The following CSMD1 variants were observed in gnomAD, a reference collection of about 807,000 sequenced individuals.
The protein encoded by CSMD1 is CUB and sushi domain-containing protein 1.
CSMD1 carries 213 observed loss-of-function variants against 417.5 expected under a neutral mutation model. The observed-to-expected ratio is 0.51, with a 90% CI of 0.46 to 0.57. The LOEUF is 0.57. CSMD1 is among the 20% of genes least tolerant of loss of function. The probability of loss-of-function intolerance (pLI) is 0.00; values close to 1 mark genes in which losing one functional copy is unlikely to be tolerated. For missense variants in CSMD1, 6,923 were observed against 4,529.7 expected (o/e 1.53, Z -15.17); for synonymous variants, 2,862 against 1,736.8 (o/e 1.65, Z -16.11).
intron 41 of CSMD1, among the ~76,000 whole-genome samples, chr8:3,136,215 CTA>C (rs1435115839): frequency 6.6e-6 from 1 of 150,588 alleles, no homozygotes; most frequent in Non-Finnish European, 1.5e-5. Flanking sequence ...ATACACGTGT[CTA>C]TGTGTTGCAG....
chr8:4,464,324 G>A (rs1291396363), intron 2 of CSMD1, among the ~76,000 whole-genome samples: 1 of 152,152 alleles, frequency 6.6e-6, no homozygotes, highest in Admixed American at 6.5e-5. Flanking sequence ...TCAACTTACA[G>A]TGCGGTTATG....
chr8:4,913,189 T>C (rs1370513291), intron 1 of CSMD1, among the ~76,000 whole-genome samples: 1 of 152,176 alleles, frequency 6.6e-6, no homozygotes, highest in Non-Finnish European at 1.5e-5. Flanking sequence ...AAGATTAGGT[T>C]GGTGCAAACC....
At position 3,920,788 on chromosome 8, in the gene CSMD1, A is replaced by G. The variant is rs569799195; in HGVS notation, c.818+77115T>C. Among the ~76,000 whole-genome samples, 9 of 152,202 alleles carry G rather than the reference A, an allele frequency of 5.9e-5. No homozygotes were observed. The East Asian group carries it at 1.4e-3, about 23-fold the overall frequency. ...GTATATCCAATTTATTGATTTGCGT[A>G]TGTTAAAACAACCTTGCATCCCAGC... is the stretch of plus-strand genomic sequence containing the variant. On this transcript the variant is annotated intron_variant, in intron 5 of 69. Transcript: ENST00000635120.
rs187639758 is a variant in CSMD1 at position 3,264,037 on chromosome 8, T to C, written c.4153+20107A>G. Reference sequence around the variant, plus strand: ...TTTAAAGAGACTTCAGTTTTTTTCATAGTAACAATGAAACGAAATTTGAAA... The same window carrying C: ...TTTAAAGAGACTTCAGTTTTTTTCACAGTAACAATGAAACGAAATTTGAAA... On this transcript the variant is annotated intron_variant, in intron 26 of 69. Transcript: ENST00000635120. 8.9e-3 allele frequency among the ~76,000 whole-genome samples: 1,356 copies of C among 152,276 alleles called. 19 individuals are homozygous for C. Among genetic ancestry groups the C allele is most frequent in the Non-Finnish European group, 0.014 (941 of 68,006 alleles).
At chr8:3,400,861 C>A (rs896762640) in intron 15 of CSMD1, among the ~76,000 whole-genome samples, 1 of 151,072 alleles carries the variant, frequency 6.6e-6, no homozygotes, top group Non-Finnish European at 1.5e-5. Context: ...TATACCTATG[C>A]ATTATTCTGT....
At chr8:2,971,467 C>T (rs1188059962) in intron 57 of CSMD1, among the ~76,000 whole-genome samples, 1 of 152,154 alleles carries the variant, frequency 6.6e-6, no homozygotes, top group Non-Finnish European at 1.5e-5. Flanking sequence ...GTTATTGCTG[C>T]TGCTTCAGGA....
chr8:3,563,888 C>CA (rs576548315), intron 10 of CSMD1, among the ~76,000 whole-genome samples: 6 of 151,932 alleles, frequency 3.9e-5, no homozygotes, highest in Admixed American at 3.9e-4. Context: ...GACTCCGTCT[C>CA]AAAAAAACAA....
rs571198738 is a variant in CSMD1, at chr8:4,430,657, T to C, written c.303-10592A>G. Reference sequence around the variant, plus strand: ...TTTTTAATCAATGCACCAAGTTATTTTGGGCAAGTTATAATTACAGTGTCT... The same window carrying C: ...TTTTTAATCAATGCACCAAGTTATTCTGGGCAAGTTATAATTACAGTGTCT... On this transcript the variant is annotated intron_variant, in intron 2 of 69. Coordinates refer to ENST00000635120, the MANE Select transcript of CSMD1 (RefSeq NM_033225.6). Among the ~76,000 whole-genome samples, 5 of 152,252 alleles carry C rather than the reference T, an allele frequency of 3.3e-5. No homozygotes were observed. In the East Asian group the frequency reaches 5.8e-4, roughly 18 times the overall value.
chr8:4,018,033 C>G (rs534937571), intron 4 of CSMD1, among the ~76,000 whole-genome samples: 13 of 151,910 alleles, frequency 8.6e-5, no homozygotes, highest in African/African-American at 3.1e-4. Flanking sequence ...AACTGTCATA[C>G]CCATGAAACT....
At chr8:4,189,511 C>T (rs922678723) in intron 3 of CSMD1, among the ~76,000 whole-genome samples, 14 of 152,108 alleles carry the variant, frequency 9.2e-5, no homozygotes, top group African/African-American at 3.1e-4. Context: ...ATTGTATAAA[C>T]ATATATTAAA....
In CSMD1 at chr8:3,095,177, A is replaced by G. The variant is rs1382690454; in HGVS notation, c.7138+1672T>C. ...TACTGTGAAACAAAAGAACATGCAT[A>G]AGTTCAAAATAATTAAATATACTTT... On this transcript the variant is annotated intron_variant, in intron 47 of 69. Coordinates refer to ENST00000635120, the MANE Select transcript of CSMD1 (RefSeq NM_033225.6). Among the ~76,000 whole-genome samples the G allele has an allele frequency of 3.9e-5, 6 of 152,178 alleles. No individual in the cohort carries two copies. The South Asian group carries it at 1.2e-3, about 32-fold the overall frequency.
intron 1 of CSMD1, among the ~76,000 whole-genome samples, chr8:4,862,748 T>A (rs1802208824): frequency 6.6e-6 from 1 of 152,010 alleles, no homozygotes. Flanking sequence ...AAAAACACAG[T>A]AGCGACAACT....
intron 1 of CSMD1, among the ~76,000 whole-genome samples, chr8:4,726,344 G>A (rs1362684514): frequency 6.6e-6 from 1 of 150,926 alleles, no homozygotes; most frequent in South Asian, 2.1e-4. Context: ...TTGTATTCCT[G>A]AAAGATAGTT....
intron 11 of CSMD1, among the ~76,000 whole-genome samples, chr8:3,482,429 G>T (rs1037171655): frequency 2.6e-5 from 4 of 152,010 alleles, no homozygotes; most frequent in African/African-American, 9.7e-5. Flanking sequence ...GACAAAGAGG[G>T]ACACCACAAA....
At chr8:3,969,923 C>G (rs933172606) in intron 5 of CSMD1, among the ~76,000 whole-genome samples, 5 of 151,872 alleles carry the variant, frequency 3.3e-5, no homozygotes, top group African/African-American at 1.2e-4. Context: ...CCAAAAAAAT[C>G]CCTCATTTTA....
Position 3,997,996 on chromosome 8 carries a change from G to T in CSMD1, c.725C>A (p.Pro242His), listed in dbSNP as rs777784546. The T allele has an allele frequency of 4.3e-6, 7 of 1,609,948 alleles. No homozygotes were observed. The highest frequency in any genetic ancestry group is 4.0e-5 in the African/African-American group (3 of 74,874). Reference sequence around the variant, plus strand: ...GAAGACCAGCGCAATGGTGTCCCCGGGCTCAGCCAGAATGGTCCAGGTGCA... The same window carrying T: ...GAAGACCAGCGCAATGGTGTCCCCGTGCTCAGCCAGAATGGTCCAGGTGCA... ...ADCTWTILAE[P>H]GDTIALVFTD... The change falls in exon 5 of 70, where the codon CCC becomes CAC. Residue 242 changes from proline (P) to histidine (H), a missense_variant. By Grantham distance (77) the Pro-to-His change is moderately conservative (BLOSUM62 -2). Coordinates refer to ENST00000635120, the MANE Select transcript of CSMD1 (RefSeq NM_033225.6).
chr8:3,308,277 C>G (rs1422607215), intron 24 of CSMD1, 35 bp downstream of exon 24: 7 of 1,558,400 alleles, frequency 4.5e-6, no homozygotes, highest in Non-Finnish European at 5.3e-6. Context: ...TAAGGCCTGG[C>G]TTTTGCACAA....
At chr8:3,680,553 C>G (rs568857804) in intron 7 of CSMD1, among the ~76,000 whole-genome samples, 1 of 152,172 alleles carries the variant, frequency 6.6e-6, no homozygotes, top group Non-Finnish European at 1.5e-5. Flanking sequence ...TAATAGCTTA[C>G]CAACCAAAAA....
intron 30 of CSMD1, among the ~76,000 whole-genome samples, chr8:3,206,668 G>A (rs1464187202): frequency 6.7e-6 from 1 of 148,776 alleles, no homozygotes; most frequent in East Asian, 2.0e-4. Flanking sequence ...GTGGGGGTAT[G>A]TCTGTGTGTG....
Sources: gnomAD v4.1 joint callset for allele counts (sites outside exome capture counted in the v4.1 genomes callset) on GRCh38, gnomAD v4.1.1 for gene constraint, MANE v1.5 for transcripts, NCBI Gene and HGNC (gene_info 2026-07-23, HGNC 2026-07-21) for gene names.